Variants in IGF2 observed in about 807,000 individuals in gnomAD.
IGF2 encodes insulin like growth factor 2.
In IGF2, 2 loss-of-function variants were observed where a neutral mutation model predicts 12.0. The observed-to-expected ratio is 0.17, with a 90% CI of 0.07 to 0.52. The LOEUF is 0.52. Among genes scored for constraint, IGF2 ranks in the 20% least tolerant of loss-of-function variants. The probability of loss-of-function intolerance (pLI) is 0.95; values close to 1 mark genes in which losing one functional copy is unlikely to be tolerated. For synonymous variants in IGF2, 105 were observed against 110.1 expected, an observed-to-expected ratio of 0.95 and a Z score of 0.29; for missense variants, 211 against 268.0, an observed-to-expected ratio of 0.79 and a Z score of 1.48.
upstream of IGF2, among the ~76,000 whole-genome samples, chr11:2,144,977 CTCTT>C (rs1159914726): frequency 1.3e-5 from 2 of 152,156 alleles, no homozygotes; most frequent in Non-Finnish European, 2.9e-5. Flanking sequence ...GATGAGGCAT[CTCTT>C]TCACATTAGC....
the IGF2 span, chr11:2,149,336 A>G: frequency 6.2e-7 from 1 of 1,611,586 alleles, no homozygotes; most frequent in Non-Finnish European, 8.5e-7. Flanking sequence ...GGAGAGGGAC[A>G]AAGCTGAGGC....
upstream of IGF2, among the ~76,000 whole-genome samples, chr11:2,145,417 C>A (rs557113919): frequency 6.6e-6 from 1 of 152,350 alleles, no homozygotes; most frequent in Admixed American, 6.5e-5. Context: ...TAGGCTCCCC[C>A]CACCTTCTCC....
upstream of IGF2, chr11:2,140,066 T>C: frequency 6.7e-7 from 1 of 1,501,854 alleles, no homozygotes; most frequent in Non-Finnish European, 9.1e-7. Context: ...GGGCCAGGCT[T>C]GGAGCCTACG....
chr11:2,149,368 T>G, the IGF2 span: 2 of 1,597,118 alleles, frequency 1.3e-6, no homozygotes, highest in African/African-American at 2.7e-5. Flanking sequence ...AGGGCACTTT[T>G]AGAGTGTGCA....
At position 2,138,279 on chromosome 11, in the gene IGF2, G is replaced by A; in HGVS notation, c.-57C>T. 1.0e-6 allele frequency: 1 copy of A among 985,118 alleles called. No homozygotes were observed. The highest frequency in any genetic ancestry group is 1.2e-6 in the Non-Finnish European group (1 of 829,788). The allele number at this position is 985,118 out of a possible 1,614,324, so 61.0% of individuals were successfully genotyped here. A position where few individuals can be genotyped will look rare whatever the true frequency, so the allele number is the denominator to read the frequency against. On this transcript the variant is annotated 5_prime_UTR_variant, in exon 1 of 4. Coordinates refer to ENST00000416167, the MANE Select transcript of IGF2 (RefSeq NM_000612.6). ...ACCTCCCTGCTGCGTGTCGCAAACC[G>A]AACAGCGGGCGTTGGCCCTCCTGCC...
At position 2,138,736 on chromosome 11, in the gene IGF2, G is replaced by T; in HGVS notation, c.-514C>A. On this transcript the variant is annotated 5_prime_UTR_variant, in exon 1 of 4. Transcript: ENST00000416167. ...AGGGAGTCGGAGGCTAGGAGCTGGG[G>T]GGGACGGGAGGGAGCGAAGGGAAGG... 2 of 731,678 alleles carry T rather than the reference G, an allele frequency of 2.7e-6. No homozygotes were observed. Among genetic ancestry groups the T allele is most frequent in the Non-Finnish European group, 3.3e-6 (2 of 602,868 alleles). 45.3% of individuals were successfully genotyped at this position (731,678 alleles called of 1,614,324 possible).
In IGF2 at chr11:2,133,494, G is replaced by A; in HGVS notation, c.306+23C>T. ...CCTATTTCTCTGTCTCTAGAGAGTGGGAAAGGGGCCCAGGACCCTCACCGG... is the reference window on the plus strand; with the variant it reads ...CCTATTTCTCTGTCTCTAGAGAGTGAGAAAGGGGCCCAGGACCCTCACCGG... On this transcript the variant is annotated intron_variant, in intron 3 of 3. Transcript: ENST00000416167. The surrounding 1 kb of genome is among the most constrained non-coding windows in gnomAD (Gnocchi z 8.9). 3 of 1,602,748 alleles carry A rather than the reference G, an allele frequency of 1.9e-6. No individual in the cohort carries two copies. The highest frequency in any genetic ancestry group is 1.7e-6 in the Non-Finnish European group (2 of 1,174,958).
chr11:2,137,567 A>G (rs1033687012), intron 1 of IGF2, among the ~76,000 whole-genome samples: 1 of 151,272 alleles, frequency 6.6e-6, no homozygotes, highest in African/African-American at 2.4e-5. Flanking sequence ...TTGTATGGAA[A>G]CTTCCACGCT....
chr11:2,135,328 G>T (rs1330128576), intron 2 of IGF2, 39 bp downstream of exon 2: 1 of 1,555,706 alleles, frequency 6.4e-7, no homozygotes, highest in East Asian at 2.3e-5. Context: ...CACTCTAGGG[G>T]CCTGACCAGG....
upstream of IGF2, among the ~76,000 whole-genome samples, chr11:2,144,366 G>C (rs979843059): frequency 1.4e-5 from 2 of 145,360 alleles, no homozygotes; most frequent in Admixed American, 7.3e-5. Flanking sequence ...TCCCCGGCTT[G>C]GCTTGGGGGC....
Position 2,131,851 on chromosome 11 carries a change from CGT to C in IGF2, c.*1134_*1135del, listed in dbSNP as rs200421505. 0.014 allele frequency: 1,408 copies of C among 103,782 alleles called. 22 individuals are homozygous for C. The highest frequency in any genetic ancestry group is 0.053 in the African/African-American group (1,216 of 23,114). The allele number at this position is 103,782 out of a possible 1,614,324, so 6.4% of individuals were successfully genotyped here. ...GCTGTGCGTTTGTGTGCTGTGTGCT[CGT>C]GTGTGTGCTGTGTGTGCGTGTGTGC... On this transcript the variant is annotated 3_prime_UTR_variant, in exon 4 of 4. Transcript: ENST00000416167.
chr11:2,133,507 G>C lies in IGF2; in HGVS notation c.306+10C>G. 6.2e-7 allele frequency: 1 copy of C among 1,609,140 alleles called. No individual in the cohort carries two copies. The highest frequency in any genetic ancestry group is 1.7e-5 in the Admixed American group (1 of 59,484). On this transcript the variant is annotated intron_variant, in intron 3 of 3. Coordinates refer to ENST00000416167, the MANE Select transcript of IGF2 (RefSeq NM_000612.6). This position sits in a 1 kb window ranked among gnomAD's most constrained non-coding sequence, Gnocchi z 8.9. Reference sequence around the variant, plus strand: ...CTCTAGAGAGTGGGAAAGGGGCCCAGGACCCTCACCGGAAGCACGGTCGGA... The same window carrying C: ...CTCTAGAGAGTGGGAAAGGGGCCCACGACCCTCACCGGAAGCACGGTCGGA...
chr11:2,146,032 C>T (rs112120598), upstream of IGF2, among the ~76,000 whole-genome samples: 1,163 of 152,196 alleles, frequency 7.6e-3, 22 homozygotes, highest in African/African-American at 0.027. Flanking sequence ...AAGCAGCGTC[C>T]GCCCCCCAGC....
chr11:2,141,704 G>GA (rs1281584732), upstream of IGF2, among the ~76,000 whole-genome samples: 1 of 152,108 alleles, frequency 6.6e-6, no homozygotes, highest in African/African-American at 2.4e-5. Flanking sequence ...AGCAGCCGGG[G>GA]AAAAAATAAC....
In IGF2 at chr11:2,131,886, T is replaced by TTGTGTGTGCTGTGCGTTTG. The variant is rs1313230620; in HGVS notation, c.*1082_*1100dup. 6.6e-6 allele frequency: 1 copy of TTGTGTGTGCTGTGCGTTTG among 150,732 alleles called. No individual in the cohort carries two copies. The highest frequency in any genetic ancestry group is 1.2e-5 in the Non-Finnish European group (1 of 80,698). 9.3% of individuals were successfully genotyped at this position (150,732 alleles called of 1,614,324 possible). A position where few individuals can be genotyped will look rare whatever the true frequency, so the allele number is the denominator to read the frequency against. ...CTGTGTGTGCGTGTGTGCTGTGCGT[T>TTGTGTGTGCTGTGCGTTTG]TGTGTGTGCTGTGCGTTTGTGTGTG... On this transcript the variant is annotated 3_prime_UTR_variant, in exon 4 of 4. Transcript: ENST00000416167.
At chr11:2,145,943 C>G (rs549693659), upstream of IGF2, among the ~76,000 whole-genome samples, 7 of 152,076 alleles carry the variant, frequency 4.6e-5, no homozygotes, top group Non-Finnish European at 7.4e-5. Flanking sequence ...AGGAAGGGTC[C>G]CGCCAGCAGT....
chr11:2,134,660 C>A (rs1858866053), intron 2 of IGF2, among the ~76,000 whole-genome samples: 1 of 152,180 alleles, frequency 6.6e-6, no homozygotes, highest in Non-Finnish European at 1.5e-5. Context: ...CCCTCCCCTG[C>A]CCCATCAGGC....
upstream of IGF2, among the ~76,000 whole-genome samples, chr11:2,145,654 G>C (rs1412935453): frequency 6.6e-6 from 1 of 152,202 alleles, no homozygotes; most frequent in Non-Finnish European, 1.5e-5. Context: ...AGAAGGCTGA[G>C]GGTCACCTTG....
intron 2 of IGF2, chr11:2,134,291 C>T (rs11564729): frequency 2.7e-3 from 1,046 of 387,932 alleles, no homozygotes; most frequent in Non-Finnish European, 4.1e-3. Context: ...TGCCATCAGC[C>T]GGAGGAGGGA....
Sources: allele counts gnomAD v4.1 joint callset (sites outside exome capture counted in the v4.1 genomes callset), GRCh38; gene constraint gnomAD v4.1.1; non-coding constraint Gnocchi (gnomAD v3.1); transcripts MANE v1.5; gene names NCBI Gene and HGNC (gene_info 2026-07-23, HGNC 2026-07-21).